Variants in NBPF3 observed in about 807,000 individuals in gnomAD.
NBPF3 encodes NBPF family member NBPF3.
A neutral mutation model predicts 78.1 loss-of-function variants in NBPF3; 57 were observed. That is an observed-to-expected ratio of 0.73 (90% CI 0.59 to 0.91). The LOEUF is 0.91. Ranked by LOEUF, NBPF3 falls within the 40% of genes least tolerant of loss-of-function variation. The pLI is 0.00. For synonymous variants in NBPF3, 182 were observed against 271.7 expected, an observed-to-expected ratio of 0.67 and a Z score of 3.25; for missense variants, 510 against 715.3, an observed-to-expected ratio of 0.71 and a Z score of 3.27.
At chr1:21,479,424 G>A (rs750488164) in intron 10 of NBPF3, 24 bp downstream of exon 10, 3 of 1,603,968 alleles carry the variant, frequency 1.9e-6, no homozygotes, top group East Asian at 4.5e-5. Flanking sequence ...ATTATGGACA[G>A]TTAATTTGAT....
chr1:21,473,528 A>G lies in NBPF3; in HGVS notation c.883A>G (p.Thr295Ala). ...ATTTGAGGAAGACCAAGTCGACTCA[A>G]CTCTCATTGACTCATCCTCTCATGA... is the stretch of plus-strand genomic sequence containing the variant. ...ITFEEDQVDS[T>A]LIDSSSHDEW... Residue 295 changes from threonine (T) to alanine (A), a missense_variant, in exon 7 of 15, where the codon ACT becomes GCT. This residue lies in a region of NBPF3 where 440 missense variants were observed against 478.2 expected (regional missense o/e 0.92). Coordinates refer to ENST00000318249, the MANE Select transcript of NBPF3 (RefSeq NM_032264.6). 2 of 1,613,386 alleles carry G rather than the reference A, an allele frequency of 1.2e-6. No homozygotes were observed. Among genetic ancestry groups the G allele is most frequent in the Admixed American group, 1.7e-5 (1 of 59,958 alleles).
intron 2 of NBPF3, among the ~76,000 whole-genome samples, chr1:21,459,093 C>G (rs1009872318): frequency 2.6e-5 from 4 of 152,078 alleles, no homozygotes; most frequent in African/African-American, 9.7e-5. Context: ...TTAAAGAAGA[C>G]TAAATAGAGA....
intron 2 of NBPF3, among the ~76,000 whole-genome samples, chr1:21,446,777 T>A (rs1445563613): frequency 3.3e-5 from 5 of 152,116 alleles, no homozygotes; most frequent in Admixed American, 3.3e-4. Context: ...CCCAGCCCCC[T>A]CCTTTGATTT....
Position 21,457,871 on chromosome 1 carries a change from G to C in NBPF3, c.134-10817G>C, listed in dbSNP as rs528453469. On this transcript the variant is annotated intron_variant, in intron 2 of 14. Coordinates refer to ENST00000318249, the MANE Select transcript of NBPF3 (RefSeq NM_032264.6). ...CAGTAACGAGATGCAGATGAACTGG[G>C]GAGGAAGAGAGTTTTTACTTCTGCA... Among the ~76,000 whole-genome samples the C allele has an allele frequency of 8.5e-4, 129 of 152,288 alleles. 1 individual carries two copies. Among genetic ancestry groups the C allele is most frequent in the African/African-American group, 3.0e-3 (123 of 41,568 alleles).
rs911579624 is a variant in NBPF3, at chr1:21,468,700, C to T, written c.146C>T (p.Thr49Ile). 1.7e-5 allele frequency: 28 copies of T among 1,613,174 alleles called. No homozygotes were observed. Among genetic ancestry groups the T allele is most frequent in the Non-Finnish European group, 2.4e-5 (28 of 1,179,310 alleles). Residue 49 changes from threonine to isoleucine, a missense_variant, in exon 3 of 15, where the codon ACC becomes ATC. Coordinates refer to ENST00000318249, the MANE Select transcript of NBPF3 (RefSeq NM_032264.6). Reference sequence around the variant, plus strand: ...GTCTTCTCCCCAGTCCCTGGCCCCACCTCTTCTGCCACAAACGTCAGCATG... The same window carrying T: ...GTCTTCTCCCCAGTCCCTGGCCCCATCTCTTCTGCCACAAACGTCAGCATG... ...ELRDPTVPGP[T>I]SSATNVSMVV...
At chr1:21,440,921 T>C (rs1393492844) in intron 1 of NBPF3, 1 of 152,178 alleles carries the variant, frequency 6.6e-6, no homozygotes, top group Admixed American at 6.5e-5. Context: ...TTCGGCTAGG[T>C]TGGATTGTGG....
At chr1:21,474,849 T>C (rs370618041) in intron 7 of NBPF3, 51 bp from the exon 8 acceptor site, 4 of 1,506,524 alleles carry the variant, frequency 2.7e-6, no homozygotes, top group Non-Finnish European at 3.7e-6. Flanking sequence ...TTTGGTCATA[T>C]GTGGAGTGTG....
intron 4 of NBPF3, among the ~76,000 whole-genome samples, chr1:21,471,086 G>C (rs546201855): frequency 2.5e-4 from 38 of 152,216 alleles, no homozygotes; most frequent in African/African-American, 8.9e-4. Flanking sequence ...ATCAGCTCCT[G>C]ACTGACTGCG....
intron 3 of NBPF3, among the ~76,000 whole-genome samples, chr1:21,470,163 G>T (rs1642506931): frequency 6.6e-6 from 1 of 152,116 alleles, no homozygotes; most frequent in Non-Finnish European, 1.5e-5. Flanking sequence ...CTAAAGCTAT[G>T]ATGTAAAAAT....
At chr1:21,463,744 C>T (rs1185499005) in intron 2 of NBPF3, among the ~76,000 whole-genome samples, 1 of 152,082 alleles carries the variant, frequency 6.6e-6, no homozygotes, top group Non-Finnish European at 1.5e-5. Flanking sequence ...ATAAGGAATT[C>T]ATATAACTGA....
Position 21,472,905 on chromosome 1 carries a change from T to C in NBPF3, c.724T>C (p.Tyr242His), listed in dbSNP as rs372895017. 2.0e-5 allele frequency: 33 copies of C among 1,610,872 alleles called. No individual in the cohort carries two copies. The African/African-American group carries it at 4.3e-4, about 21-fold the overall frequency. Residue 242 changes from tyrosine (Y) to histidine (H), a missense_variant, in exon 6 of 15, where the codon TAT becomes CAT. Tyr to His is a moderately conservative substitution (Grantham distance 83). Around this residue, in one of 5 missense-constraint regions of NBPF3, gnomAD observed 440 missense variants for 478.2 expected, o/e 0.92. Transcript: ENST00000318249. ...GGAGGCTGAGAAAGTACAGGAATTA[T>C]ATGCCCCCAGGTAACGCTGAATAAT... ...VEEAEKVQEL[Y>H]APREVQKAEE...
intron 2 of NBPF3, chr1:21,454,117 C>G (rs919624990): frequency 3.9e-5 from 6 of 152,228 alleles, no homozygotes; most frequent in African/African-American, 1.4e-4. Flanking sequence ...TGACATTTCC[C>G]CTGGATCTGC....
intron 13 of NBPF3, among the ~76,000 whole-genome samples, chr1:21,482,243 G>A (rs1353618661): frequency 1.4e-5 from 2 of 146,624 alleles, no homozygotes; most frequent in Non-Finnish European, 3.0e-5. Flanking sequence ...GCACAAACTT[G>A]GGACAAATGA....
At chr1:21,446,812 G>A (rs552182431) in intron 2 of NBPF3, among the ~76,000 whole-genome samples, 2 of 152,158 alleles carry the variant, frequency 1.3e-5, no homozygotes, top group South Asian at 4.2e-4. Flanking sequence ...GGCAGCTGCT[G>A]AGTCTCAGTG....
chr1:21,470,510 C>T (rs896836799), intron 3 of NBPF3, 122 bp from the exon 4 acceptor site: 10 of 668,438 alleles, frequency 1.5e-5, no homozygotes, highest in African/African-American at 9.1e-5. Context: ...GAAATCCCTA[C>T]GTAGAGCCTG....
chr1:21,447,547 C>T (rs1450714081), intron 2 of NBPF3, among the ~76,000 whole-genome samples: 1 of 152,242 alleles, frequency 6.6e-6, no homozygotes, highest in East Asian at 1.9e-4. Context: ...GCATTATGTA[C>T]TTTAAGTTCC....
At chr1:21,446,362 T>C (rs937997474) in intron 2 of NBPF3, 1 of 152,210 alleles carries the variant, frequency 6.6e-6, no homozygotes, top group African/African-American at 2.4e-5. Flanking sequence ...CTTTCTCTAA[T>C]AACTGGTTAG....
At chr1:21,447,373 A>G (rs1430745124) in intron 2 of NBPF3, among the ~76,000 whole-genome samples, 1 of 152,222 alleles carries the variant, frequency 6.6e-6, no homozygotes, top group Non-Finnish European at 1.5e-5. Flanking sequence ...GTCATGCGAA[A>G]TAGTTTCACT....
intron 2 of NBPF3, chr1:21,467,181 G>C: frequency 1.0e-6 from 1 of 985,492 alleles, no homozygotes; most frequent in Non-Finnish European, 1.2e-6. Context: ...TTTCCTTACA[G>C]TGTCATTGGA....
Sources: allele counts gnomAD v4.1 joint callset (sites outside exome capture counted in the v4.1 genomes callset), GRCh38; gene constraint gnomAD v4.1.1; regional missense constraint gnomAD v4.1.1; transcripts MANE v1.5; gene names NCBI Gene and HGNC (gene_info 2026-07-23, HGNC 2026-07-21).